Variants in SPATA17 observed in about 807,000 individuals in gnomAD.
SPATA17 encodes spermatogenesis associated 17.
SPATA17 carries 53 observed loss-of-function variants against 62.2 expected under a neutral mutation model. The observed-to-expected ratio is 0.85, with a 90% CI of 0.68 to 1.07. The LOEUF (loss-of-function observed/expected upper bound fraction) is 1.07. Ranked by LOEUF, SPATA17 falls within the 50% of genes least tolerant of loss-of-function variation. SPATA17 has a pLI of 0.00. For missense variants in SPATA17, 466 were observed against 425.5 expected, an observed-to-expected ratio of 1.10 and a Z score of -0.84; for synonymous variants, 146 against 146.8, an observed-to-expected ratio of 0.99 and a Z score of 0.04.
intron 5 of SPATA17, among the ~76,000 whole-genome samples, chr1:217,697,571 G>A (rs557387881): frequency 6.6e-6 from 1 of 151,870 alleles, no homozygotes; most frequent in African/African-American, 2.4e-5. Context: ...CTAATATATG[G>A]TGAATTTGAA....
At chr1:217,753,615 A>G (rs576249094) in intron 6 of SPATA17, among the ~76,000 whole-genome samples, 3 of 150,790 alleles carry the variant, frequency 2.0e-5, no homozygotes, top group African/African-American at 2.5e-5. Context: ...TTGTATATGT[A>G]TATATATATG....
chr1:217,857,307 C>G (rs1055536873), intron 9 of SPATA17, among the ~76,000 whole-genome samples: 8 of 152,252 alleles, frequency 5.3e-5, no homozygotes, highest in Admixed American at 1.3e-4. Context: ...AGGAAATGTG[C>G]TCTTTATCAT....
intron 5 of SPATA17, among the ~76,000 whole-genome samples, chr1:217,719,578 G>A (rs1558578787): frequency 6.6e-6 from 1 of 152,156 alleles, no homozygotes; most frequent in Non-Finnish European, 1.5e-5. Context: ...GTTGGATATT[G>A]TATCAGTCAG....
In SPATA17 at chr1:217,774,418, CG is replaced by C. The variant is rs775145315; in HGVS notation, c.605del (p.Arg202GlnfsTer17). ...ACAGAAGGCAAAGCCTTTAACACAC[CG>C]AAGACCTAAAGTTAAGCAGAAGGAC... The part of the protein sequence containing the change: ...QLQKAKPLTH[R>X]RPKVKQKDST... On this transcript the variant is annotated frameshift_variant, in exon 7 of 11. Coordinates refer to ENST00000366933, the MANE Select transcript of SPATA17 (RefSeq NM_138796.4). LOFTEE classifies it high-confidence loss of function. The C allele has an allele frequency of 9.9e-6, 16 of 1,614,016 alleles. No homozygotes were observed. Among genetic ancestry groups the C allele is most frequent in the African/African-American group, 1.3e-5 (1 of 75,018 alleles).
chr1:217,820,305 A>G (rs1175741257), intron 9 of SPATA17, among the ~76,000 whole-genome samples: 1 of 152,062 alleles, frequency 6.6e-6, no homozygotes, highest in Non-Finnish European at 1.5e-5. Flanking sequence ...TTCTCTGGAT[A>G]CAATGTGGAT....
At chr1:217,781,891 A>G (rs956702838) in intron 7 of SPATA17, among the ~76,000 whole-genome samples, 3 of 152,188 alleles carry the variant, frequency 2.0e-5, no homozygotes, top group African/African-American at 4.8e-5. Flanking sequence ...AAAGCAACCT[A>G]TAACAAGTTT....
intron 6 of SPATA17, among the ~76,000 whole-genome samples, chr1:217,756,841 C>T (rs1187595499): frequency 2.0e-5 from 3 of 152,106 alleles, no homozygotes; most frequent in African/African-American, 7.2e-5. Flanking sequence ...TTTGAAATAC[C>T]AGCTGAAATT....
chr1:217,748,460 T>A (rs1193488265), intron 6 of SPATA17, among the ~76,000 whole-genome samples: 1 of 152,028 alleles, frequency 6.6e-6, no homozygotes, highest in Non-Finnish European at 1.5e-5. Flanking sequence ...TAGGAAAATT[T>A]TGGCCAGGTG....
chr1:217,653,654 TGAGC>T (rs1195929583), intron 3 of SPATA17, among the ~76,000 whole-genome samples: 2 of 142,656 alleles, frequency 1.4e-5, no homozygotes, highest in Non-Finnish European at 2.9e-5. Context: ...CATTGGACAG[TGAGC>T]CAATGGAAGC....
chr1:217,851,448 C>A (rs1173051440), intron 9 of SPATA17, among the ~76,000 whole-genome samples: 1 of 151,498 alleles, frequency 6.6e-6, no homozygotes, highest in Non-Finnish European at 1.5e-5. Flanking sequence ...TTCATAATTC[C>A]TTTTAGAAAC....
At chr1:217,699,936 A>C (rs1671552834) in intron 5 of SPATA17, among the ~76,000 whole-genome samples, 2 of 152,130 alleles carry the variant, frequency 1.3e-5, no homozygotes, top group Admixed American at 1.3e-4. Context: ...TCCTTCATTG[A>C]ATTGCTTTTG....
At chr1:217,716,255 C>G (rs1214057705) in intron 5 of SPATA17, among the ~76,000 whole-genome samples, 1 of 152,138 alleles carries the variant, frequency 6.6e-6, no homozygotes, top group African/African-American at 2.4e-5. Flanking sequence ...CAGCATGTTT[C>G]CAATTGTGCT....
chr1:217,841,581 G>C (rs1437790156), intron 9 of SPATA17, among the ~76,000 whole-genome samples: 1 of 151,682 alleles, frequency 6.6e-6, no homozygotes, highest in East Asian at 1.9e-4. Flanking sequence ...ATATCATGTT[G>C]GTATTATTGA....
intron 8 of SPATA17, among the ~76,000 whole-genome samples, chr1:217,795,734 C>G (rs1337476451): frequency 6.6e-6 from 1 of 152,068 alleles, no homozygotes; most frequent in African/African-American, 2.4e-5. Context: ...CATCTCATCC[C>G]CAGACCATAG....
Position 217,870,808 on chromosome 1 carries a change from C to T in SPATA17, c.*3789C>T, listed in dbSNP as rs1263173269. ...TAGTTAATCAGGTAATACCTTTCTT[C>T]TCCACTACTCTCTAATTTCCTTGAG... On this transcript the variant is annotated 3_prime_UTR_variant, in exon 11 of 11. Coordinates refer to ENST00000366933, the MANE Select transcript of SPATA17 (RefSeq NM_138796.4). 1 of 152,316 alleles carries T rather than the reference C, an allele frequency of 6.6e-6. No homozygotes were observed. Among genetic ancestry groups the T allele is most frequent in the South Asian group, 2.1e-4 (1 of 4,830 alleles). 9.4% of individuals were successfully genotyped at this position (152,316 alleles called of 1,614,324 possible).
intron 5 of SPATA17, among the ~76,000 whole-genome samples, chr1:217,697,584 A>AG (rs1671488342): frequency 1.3e-5 from 2 of 152,260 alleles, no homozygotes; most frequent in Admixed American, 1.3e-4. Flanking sequence ...AATTTGAAAA[A>AG]TGCACGGACT....
chr1:217,724,089 T>TATAA (rs1412908336), intron 5 of SPATA17, among the ~76,000 whole-genome samples: 1 of 152,240 alleles, frequency 6.6e-6, no homozygotes, highest in Non-Finnish European at 1.5e-5. Context: ...TGTCAATACA[T>TATAA]ATAAATTTCA....
Position 217,711,643 on chromosome 1 carries a change from C to T in SPATA17, c.395+28282C>T, listed in dbSNP as rs142388663. Among the ~76,000 whole-genome samples, 206 of 152,180 alleles carry T rather than the reference C, an allele frequency of 1.4e-3. 2 individuals carry two copies. The Middle Eastern group carries it at 0.014, about 10-fold the overall frequency. ...TATGAAACACTGAGCTTATAATTGA[C>T]GCTCAACAAATAGTGGCTATTATTA... On this transcript the variant is annotated intron_variant, in intron 5 of 10. Transcript: ENST00000366933.
intron 6 of SPATA17, among the ~76,000 whole-genome samples, chr1:217,753,615 A>C (rs576249094): frequency 1.3e-5 from 2 of 150,790 alleles, no homozygotes; most frequent in Non-Finnish European, 2.9e-5. Flanking sequence ...TTGTATATGT[A>C]TATATATATG....
Sources: allele counts gnomAD v4.1 joint callset (sites outside exome capture counted in the v4.1 genomes callset), GRCh38; gene constraint gnomAD v4.1.1; transcripts MANE v1.5; gene names NCBI Gene and HGNC (gene_info 2026-07-23, HGNC 2026-07-21).